The following PARD3 variants were observed in gnomAD, a reference collection of about 807,000 sequenced individuals.
PARD3 encodes the protein par-3 family cell polarity regulator.
In PARD3, 75 loss-of-function variants were observed where a neutral mutation model predicts 155.4. That is an observed-to-expected ratio of 0.48 (90% confidence interval 0.40 to 0.58). PARD3 has a LOEUF of 0.58. Among genes scored for constraint, PARD3 ranks in the 20% least tolerant of loss-of-function variants. The probability of loss-of-function intolerance (pLI) is 0.00; values close to 1 mark genes in which losing one functional copy is unlikely to be tolerated. For missense variants in PARD3, 1,642 were observed against 1,721.7 expected (o/e 0.95, Z 0.82); for synonymous variants, 576 against 610.5 (o/e 0.94, Z 0.83).
intron 12 of PARD3, among the ~76,000 whole-genome samples, chr10:34,362,867 A>G (rs905511370): frequency 1.3e-5 from 2 of 152,264 alleles, no homozygotes; most frequent in African/African-American, 4.8e-5. Flanking sequence ...AAGAATATAA[A>G]GTACGGTAAA....
chr10:34,262,486 G>A (rs1955078113), intron 22 of PARD3, among the ~76,000 whole-genome samples: 1 of 152,070 alleles, frequency 6.6e-6, no homozygotes. Flanking sequence ...GGATGGTCTT[G>A]AACTCCTGGC....
chr10:34,780,672 G>C (rs567966785), intron 1 of PARD3, among the ~76,000 whole-genome samples: 1 of 152,102 alleles, frequency 6.6e-6, no homozygotes, highest in Non-Finnish European at 1.5e-5. Context: ...ACAACAGTAC[G>C]CCCTTTCTTT....
At chr10:34,368,675 CA>C (rs1174154214) in intron 12 of PARD3, among the ~76,000 whole-genome samples, 3 of 146,428 alleles carry the variant, frequency 2.0e-5, no homozygotes, top group Non-Finnish European at 3.0e-5. Flanking sequence ...CCATCTCAAA[CA>C]AAAAAAAAGA....
chr10:34,164,103 A>G (rs559536345), intron 22 of PARD3, among the ~76,000 whole-genome samples: 1 of 152,348 alleles, frequency 6.6e-6, no homozygotes, highest in South Asian at 2.1e-4. Context: ...ACTAATACAG[A>G]CATTGTGCAA....
intron 5 of PARD3, among the ~76,000 whole-genome samples, chr10:34,425,782 T>A (rs1277073039): frequency 6.6e-6 from 1 of 152,212 alleles, no homozygotes; most frequent in East Asian, 1.9e-4. Context: ...CCCCTTCTAG[T>A]TTAACTCTTA....
intron 5 of PARD3, among the ~76,000 whole-genome samples, chr10:34,448,131 C>CTGCGTGTG (rs1564725452): frequency 8.9e-6 from 1 of 112,752 alleles, no homozygotes; most frequent in Non-Finnish European, 1.8e-5. Flanking sequence ...GTGATATACA[C>CTGCGTGTG]TGCGTGTGTG....
intron 2 of PARD3, among the ~76,000 whole-genome samples, chr10:34,665,906 A>AGAACAGAACAAAAAG (rs1554804216): frequency 2.0e-5 from 3 of 147,258 alleles, no homozygotes; most frequent in African/African-American, 5.1e-5. Context: ...AGAACAGAAC[A>AGAACAGAACAAAAAG]AAAAGAAAAG....
intron 7 of PARD3, 81 bp downstream of exon 7, chr10:34,399,249 A>AAC: frequency 1.1e-6 from 1 of 910,292 alleles, no homozygotes; most frequent in South Asian, 1.3e-5. Flanking sequence ...ATGCTAAGTC[A>AAC]ACACCACTCT....
chr10:34,805,283 G>A (rs1460982249), intron 1 of PARD3, among the ~76,000 whole-genome samples: 1 of 152,134 alleles, frequency 6.6e-6, no homozygotes, highest in Non-Finnish European at 1.5e-5. Context: ...CTTGAACCCA[G>A]GAGGCAGAGG....
chr10:34,672,035 A>G (rs2093619185), intron 2 of PARD3, among the ~76,000 whole-genome samples: 1 of 151,846 alleles, frequency 6.6e-6, no homozygotes, highest in African/African-American at 2.4e-5. Flanking sequence ...TTAGCCAGGT[A>G]TGATGGTGCA....
chr10:34,682,396 A>G lies in PARD3; in HGVS notation c.222+13922T>C, dbSNP rs1050918059. Among the ~76,000 whole-genome samples, 6 of 151,638 alleles carry G rather than the reference A, an allele frequency of 4.0e-5. No individual in the cohort carries two copies. In the East Asian group the frequency reaches 7.7e-4, roughly 20 times the overall value. On this transcript the variant is annotated intron_variant, in intron 2 of 24. Transcript: ENST00000374788. Reference sequence around the variant, plus strand: ...ATTGAGAATCCTCAAATTCTAACACACAGAAAATAAACAATGTATTTCTTA... The same window carrying G: ...ATTGAGAATCCTCAAATTCTAACACGCAGAAAATAAACAATGTATTTCTTA...
intron 22 of PARD3, among the ~76,000 whole-genome samples, chr10:34,208,083 T>C (rs1037775227): frequency 4.6e-5 from 7 of 152,234 alleles, no homozygotes; most frequent in Admixed American, 3.9e-4. Context: ...TGCTAATTAA[T>C]AGGCTGCTTT....
chr10:34,560,196 A>C (rs1028301528), intron 2 of PARD3, among the ~76,000 whole-genome samples: 3 of 152,196 alleles, frequency 2.0e-5, no homozygotes, highest in African/African-American at 7.2e-5. Flanking sequence ...TAAAGCCAAA[A>C]ACAATTATTT....
chr10:34,185,943 C>G (rs1429830739), intron 22 of PARD3, among the ~76,000 whole-genome samples: 1 of 151,892 alleles, frequency 6.6e-6, no homozygotes, highest in African/African-American at 2.4e-5. Context: ...TTAATTCTCA[C>G]AACCCCAGGG....
At chr10:34,498,676 C>CT (rs769298988) in intron 3 of PARD3, among the ~76,000 whole-genome samples, 13 of 152,160 alleles carry the variant, frequency 8.5e-5, no homozygotes, top group South Asian at 6.2e-4. Flanking sequence ...ACCTGAGAAG[C>CT]TGAGACACAA....
intron 1 of PARD3, among the ~76,000 whole-genome samples, chr10:34,723,160 C>T (rs1158384761): frequency 1.3e-5 from 2 of 152,074 alleles, no homozygotes. Flanking sequence ...CTGGCCAACA[C>T]GGCAAGAACC....
intron 2 of PARD3, among the ~76,000 whole-genome samples, chr10:34,662,132 C>T (rs980619118): frequency 2.6e-5 from 4 of 152,130 alleles, no homozygotes; most frequent in African/African-American, 9.7e-5. Context: ...ATCAGTATTC[C>T]TCATTCTCAA....
chr10:34,301,145 C>T (rs1275246666), intron 20 of PARD3, among the ~76,000 whole-genome samples: 3 of 152,132 alleles, frequency 2.0e-5, no homozygotes, highest in Non-Finnish European at 4.4e-5. Context: ...CAGGGATATG[C>T]GATGTTCTCA....
chr10:34,748,721 G>A (rs545092675), intron 1 of PARD3, among the ~76,000 whole-genome samples: 1 of 152,220 alleles, frequency 6.6e-6, no homozygotes, highest in East Asian at 1.9e-4. Context: ...GAACCACAAG[G>A]AACAGTGAAG....
Sources: gnomAD v4.1 joint callset for allele counts (sites outside exome capture counted in the v4.1 genomes callset) on GRCh38, gnomAD v4.1.1 for gene constraint, MANE v1.5 for transcripts, NCBI Gene and HGNC (gene_info 2026-07-23, HGNC 2026-07-21) for gene names.